The following BABAM2 variants were observed in gnomAD, a reference collection of about 807,000 sequenced individuals.
BABAM2 encodes the protein BRISC and BRCA1-A complex member 2.
BABAM2 carries 31 observed loss-of-function variants against 54.7 expected under a neutral mutation model. The ratio of observed to expected loss-of-function variants is 0.57; its 90% CI spans 0.43 to 0.77. BABAM2 has a LOEUF of 0.77. BABAM2 is among the 30% of genes least tolerant of loss of function. BABAM2 has a pLI of 0.00. For missense variants in BABAM2, 364 were observed against 455.8 expected (o/e 0.80, Z 1.83); for synonymous variants, 167 against 162.9 (o/e 1.03, Z -0.19).
intron 11 of BABAM2, chr2:28,310,207 T>C: frequency 6.4e-7 from 1 of 1,567,350 alleles, no homozygotes; most frequent in East Asian, 2.2e-5. Context: ...AGTGAAATGA[T>C]AAGCTCCATT....
chr2:28,337,331 G>A (rs1378535165), intron 11 of BABAM2, among the ~76,000 whole-genome samples: 1 of 152,162 alleles, frequency 6.6e-6, no homozygotes, highest in African/African-American at 2.4e-5. Flanking sequence ...CCTGCTGCAT[G>A]GACTGTGGCC....
chr2:28,162,672 T>C (rs1307555750), intron 7 of BABAM2, among the ~76,000 whole-genome samples: 1 of 152,210 alleles, frequency 6.6e-6, no homozygotes, highest in East Asian at 1.9e-4. Context: ...AGAGCAGTGT[T>C]AGTTGAACAT....
Position 28,241,345 on chromosome 2 carries a change from A to G in BABAM2, c.803A>G (p.Tyr268Cys). The G allele has an allele frequency of 2.5e-6, 4 of 1,614,134 alleles. No homozygotes were observed. The highest frequency in any genetic ancestry group is 3.4e-6 in the Non-Finnish European group (4 of 1,179,996). Reference sequence around the variant, plus strand: ...CAGGTGCAGTACGTGATTCAAGGGTATCACAAAAGAAGAGAGTATATTGCT... The same window carrying G: ...CAGGTGCAGTACGTGATTCAAGGGTGTCACAAAAGAAGAGAGTATATTGCT... Reference protein sequence around the residue: ...TNKVQYVIQGYHKRREYIAAF... With the variant: ...TNKVQYVIQGCHKRREYIAAF... The change falls in exon 9 of 12, where the codon TAT becomes TGT. Residue 268 changes from tyrosine (Y) to cysteine (C), a missense_variant. Tyr to Cys is a radical substitution (Grantham distance 194, BLOSUM62 -2). Transcript: ENST00000379624.
intron 10 of BABAM2, among the ~76,000 whole-genome samples, chr2:28,293,014 A>G (rs1243431118): frequency 6.6e-6 from 1 of 152,210 alleles, no homozygotes; most frequent in Non-Finnish European, 1.5e-5. Flanking sequence ...TTGTTACTAC[A>G]CTGAATGGCC....
At chr2:28,018,966 C>A (rs1675050106) in intron 4 of BABAM2, among the ~76,000 whole-genome samples, 1 of 152,116 alleles carries the variant, frequency 6.6e-6, no homozygotes, top group East Asian at 1.9e-4. Context: ...GCCCCACATG[C>A]ATTACATATT....
chr2:28,072,502 C>T (rs1664246696), intron 6 of BABAM2, among the ~76,000 whole-genome samples: 1 of 152,154 alleles, frequency 6.6e-6, no homozygotes, highest in South Asian at 2.1e-4. Flanking sequence ...TCTCCTGCCT[C>T]AGCCTCCCAA....
At chr2:28,079,346 A>G (rs1207216954) in intron 6 of BABAM2, among the ~76,000 whole-genome samples, 1 of 152,150 alleles carries the variant, frequency 6.6e-6, no homozygotes, top group Non-Finnish European at 1.5e-5. Flanking sequence ...TATTTCATCT[A>G]AGGGAAAAAA....
At chr2:28,005,204 G>A (rs1180350990) in intron 4 of BABAM2, among the ~76,000 whole-genome samples, 1 of 152,068 alleles carries the variant, frequency 6.6e-6, no homozygotes, top group African/African-American at 2.4e-5. Flanking sequence ...TTTATTTTAT[G>A]TATGTATCTT....
intron 4 of BABAM2, among the ~76,000 whole-genome samples, chr2:28,014,038 GA>G (rs1319992638): frequency 2.0e-5 from 3 of 151,852 alleles, no homozygotes; most frequent in Non-Finnish European, 4.4e-5. Context: ...AAACTGAAAG[GA>G]AAAAAACAAA....
chr2:28,262,858 G>A (rs1573957819), intron 10 of BABAM2, among the ~76,000 whole-genome samples: 2 of 152,190 alleles, frequency 1.3e-5, no homozygotes, highest in South Asian at 4.2e-4. Flanking sequence ...GAACTCTTTT[G>A]TCCAGTCACA....
At chr2:28,234,697 C>G (rs1681738403) in intron 7 of BABAM2, among the ~76,000 whole-genome samples, 1 of 152,180 alleles carries the variant, frequency 6.6e-6, no homozygotes, top group Admixed American at 6.5e-5. Flanking sequence ...TCAACCTGTA[C>G]CTACAGGACA....
chr2:28,191,454 G>C (rs2147920377), intron 7 of BABAM2, among the ~76,000 whole-genome samples: 1 of 152,222 alleles, frequency 6.6e-6, no homozygotes, highest in South Asian at 2.1e-4. Flanking sequence ...GTTCATAACA[G>C]CTTTATTTAT....
intron 4 of BABAM2, among the ~76,000 whole-genome samples, chr2:27,997,849 C>G (rs766048745): frequency 6.6e-5 from 10 of 152,162 alleles, no homozygotes; most frequent in South Asian, 2.1e-4. Context: ...TAAACCATTG[C>G]AGTTCAAGAA....
At chr2:28,121,954 C>G (rs1275634383) in intron 6 of BABAM2, among the ~76,000 whole-genome samples, 1 of 152,120 alleles carries the variant, frequency 6.6e-6, no homozygotes, top group African/African-American at 2.4e-5. Context: ...GTGACTCACG[C>G]CTGTAATCCC....
chr2:28,262,593 A>G (rs1229413184), intron 10 of BABAM2, among the ~76,000 whole-genome samples: 6 of 152,234 alleles, frequency 3.9e-5, no homozygotes, highest in African/African-American at 1.4e-4. Flanking sequence ...TTTTTTAGGC[A>G]TCTAGGTAGC....
At chr2:28,159,419 A>G (rs1157678774) in intron 7 of BABAM2, among the ~76,000 whole-genome samples, 1 of 152,196 alleles carries the variant, frequency 6.6e-6, no homozygotes, top group Non-Finnish European at 1.5e-5. Context: ...GACTCAAAGA[A>G]AGGGTGACAT....
At chr2:28,160,363 G>A (rs993438712) in intron 7 of BABAM2, among the ~76,000 whole-genome samples, 6 of 152,018 alleles carry the variant, frequency 3.9e-5, no homozygotes, top group South Asian at 2.1e-4. Context: ...AATCCTCCTC[G>A]GGCTCCTCAG....
At position 28,212,423 on chromosome 2, in the gene BABAM2, A is replaced by G. The variant is rs376702185; in HGVS notation, c.681-24779A>G. ...TCTCATGGTTCAAACCTTAGTAATT[A>G]TAAAAGAGATGTAGTGAAGTCTCTC... On this transcript the variant is annotated intron_variant, in intron 7 of 11. Coordinates refer to ENST00000379624, the MANE Select transcript of BABAM2 (RefSeq NM_199191.3). Among the ~76,000 whole-genome samples, 11 of 152,320 alleles carry G rather than the reference A, an allele frequency of 7.2e-5. 1 individual carries two copies. The highest frequency in any genetic ancestry group is 2.6e-4 in the African/African-American group (11 of 41,570).
chr2:27,923,151 G>A (rs1158133479), intron 2 of BABAM2, among the ~76,000 whole-genome samples: 1 of 152,158 alleles, frequency 6.6e-6, no homozygotes, highest in Non-Finnish European at 1.5e-5. Flanking sequence ...GAAGTTTTGT[G>A]ATATCACAGT....
Sources: allele counts gnomAD v4.1 joint callset (sites outside exome capture counted in the v4.1 genomes callset), GRCh38; gene constraint gnomAD v4.1.1; transcripts MANE v1.5; gene names NCBI Gene and HGNC (gene_info 2026-07-23, HGNC 2026-07-21).